Variants in CHD8 observed in about 807,000 individuals in gnomAD.
The protein encoded by CHD8 is ATP-dependent chromatin remodeler CHD8.
CHD8 carries 31 observed loss-of-function variants against 279.2 expected under a neutral mutation model. The ratio of observed to expected loss-of-function variants is 0.11; its 90% CI spans 0.08 to 0.15. CHD8 has a LOEUF of 0.15. Among genes scored for constraint, CHD8 ranks in the 10% least tolerant of loss-of-function variants. The pLI is 1.00. For synonymous variants in CHD8, 1,081 were observed against 1,139.6 expected (o/e 0.95, Z 1.04); for missense variants, 2,146 against 3,230.5 (o/e 0.66, Z 8.14).
In CHD8 at chr14:21,409,986, G is replaced by T; in HGVS notation, c.2229C>A (p.Pro743=). Residue 743 remains proline (P), a splice_region_variant and synonymous_variant, in exon 11 of 38, where the codon CCC becomes CCA. Coordinates refer to ENST00000646647, the MANE Select transcript of CHD8 (RefSeq NM_001170629.2). ...ACCATTTCACCAGGTAGTAAATAAC[G>T]GGCTAGGAGAGAAGAAACCAAAGCC... ...SHSIDKDNGE[P]VIYYLVKWCS... The T allele has an allele frequency of 6.2e-7, 1 of 1,606,818 alleles. No individual in the cohort carries two copies. Among genetic ancestry groups the T allele is most frequent in the East Asian group, 2.2e-5 (1 of 44,774 alleles).
Position 21,406,897 on chromosome 14 carries a change from G to A in CHD8, c.2866C>T (p.Arg956Cys), listed in dbSNP as rs1888275663. Residue 956 changes from arginine (R) to cysteine (C), a missense_variant, in exon 14 of 38, where the codon CGT becomes TGT. Arg to Cys is a radical substitution (Grantham distance 180). Coordinates refer to ENST00000646647, the MANE Select transcript of CHD8 (RefSeq NM_001170629.2). The part of the protein sequence containing the change: ...IIDEAHRLKN[R>C]NCKLLDSLKH... ...AGACTATCAAGCAGCTTGCAATTACGGTTTTTCAGTCGATGGGCTTCATCA... is the reference window on the plus strand; with the variant it reads ...AGACTATCAAGCAGCTTGCAATTACAGTTTTTCAGTCGATGGGCTTCATCA... 1.2e-6 allele frequency: 2 copies of A among 1,613,504 alleles called. No individual in the cohort carries two copies. The highest frequency in any genetic ancestry group is 1.3e-5 in the African/African-American group (1 of 74,894).
intron 7 of CHD8, 50 bp from the exon 8 acceptor site, chr14:21,415,043 T>A (rs559775544): frequency 7.7e-7 from 1 of 1,295,288 alleles, no homozygotes; most frequent in Non-Finnish European, 1.1e-6. Context: ...TGTAAAAGAA[T>A]GAACTTTTTA....
chr14:21,437,046 C>CA, intron 1 of CHD8: 1 of 613,848 alleles, frequency 1.6e-6, no homozygotes, highest in Non-Finnish European at 2.1e-6. Flanking sequence ...TGGGGATGGC[C>CA]AAGACGGGAA....
chr14:21,417,722 C>T (rs1233166589), intron 5 of CHD8, among the ~76,000 whole-genome samples: 6 of 151,342 alleles, frequency 4.0e-5, no homozygotes, highest in Admixed American at 6.6e-5. Flanking sequence ...GGTGTGGTGG[C>T]GGGCGCCTGT....
Position 21,385,825 on chromosome 14 carries a change from T to C in CHD8, c.7534A>G (p.Arg2512Gly). Reference sequence around the variant, plus strand: ...GGTGAAGAGGGGTAGCCAGGGGCTCTCAAGCCTGGATGGTGATGGTGGTGA... The same window carrying C: ...GGTGAAGAGGGGTAGCCAGGGGCTCCCAAGCCTGGATGGTGATGGTGGTGA... ...HHHHHHHPGL[R>G]APGYPSSPVT... The change falls in exon 38 of 38, where the codon AGA becomes GGA. Residue 2512 changes from arginine to glycine, a missense_variant. Arg to Gly is a moderately radical substitution (Grantham distance 125, BLOSUM62 -2). This residue lies in a region of CHD8 where 336 missense variants were observed against 392.9 expected (regional missense o/e 0.86). Transcript: ENST00000646647. 6.6e-7 allele frequency: 1 copy of C among 1,513,626 alleles called. No homozygotes were observed. The highest frequency in any genetic ancestry group is 2.6e-5 in the East Asian group (1 of 38,656). The allele number at this position is 1,513,626 out of a possible 1,614,324, so 93.8% of individuals were successfully genotyped here.
chr14:21,450,645 A>G (rs1291963003), intron 1 of CHD8, among the ~76,000 whole-genome samples: 1 of 152,066 alleles, frequency 6.6e-6, no homozygotes, highest in Non-Finnish European at 1.5e-5. Context: ...CAAACACAGT[A>G]AGATCCTGTC....
At position 21,411,707 on chromosome 14, in the gene CHD8, TAG is replaced by T. The variant is rs1409323662; in HGVS notation, c.2226+1204_2226+1205del. Among the ~76,000 whole-genome samples the T allele has an allele frequency of 2.6e-5, 4 of 152,082 alleles. No homozygotes were observed. The South Asian group carries it at 8.3e-4, about 32-fold the overall frequency. The stretch of plus-strand genomic sequence containing the variant: ...GATGGTTTATAGCCTAAAAAAAAAT[TAG>T]AAGTAAATTTAAAAGAAAGCTGAAT... On this transcript the variant is annotated intron_variant, in intron 10 of 37. Transcript: ENST00000646647.
chr14:21,421,961 C>T (rs549217428), intron 5 of CHD8, among the ~76,000 whole-genome samples: 1 of 152,328 alleles, frequency 6.6e-6, no homozygotes, highest in East Asian at 1.9e-4. Flanking sequence ...GAGAAGGTGG[C>T]CTTCTGCAAG....
chr14:21,403,412 G>A lies in CHD8; in HGVS notation c.3518+41C>T, dbSNP rs757995305. On this transcript the variant is annotated intron_variant, in intron 17 of 37. Coordinates refer to ENST00000646647, the MANE Select transcript of CHD8 (RefSeq NM_001170629.2). This position sits in a 1 kb window ranked among gnomAD's most constrained non-coding sequence, Gnocchi z 4.3. ...GCCCTCCTACTTTTTGCTGCTTTAT[G>A]AGGACAGAGTAACCACAGGCTAGGA... The A allele has an allele frequency of 6.0e-6, 9 of 1,510,744 alleles. No individual in the cohort carries two copies. The highest frequency in any genetic ancestry group is 2.3e-5 in the South Asian group (2 of 86,398). 93.6% of individuals were successfully genotyped at this position (1,510,744 alleles called of 1,614,324 possible).
chr14:21,426,967 T>C (rs1392960088), intron 4 of CHD8: 1 of 152,208 alleles, frequency 6.6e-6, no homozygotes. Context: ...AGAAATCTCT[T>C]TCACACTACA....
chr14:21,425,821 A>G (rs984267908), intron 5 of CHD8: 5 of 262,408 alleles, frequency 1.9e-5, no homozygotes, highest in Non-Finnish European at 3.6e-5. Context: ...CTATAATCCC[A>G]GTTACTCGGG....
In CHD8 at chr14:21,386,038, G is replaced by C. The variant is rs1887213330; in HGVS notation, c.7321C>G (p.Leu2441Val). Residue 2441 changes from leucine (L) to valine (V), a missense_variant, in exon 38 of 38, where the codon CTA becomes GTA. Transcript: ENST00000646647. ...TGTTGGAACGTGTTATGCAGAGATA[G>C]AGACCCAGTGCTTCCACCCTGCATG... is the stretch of plus-strand genomic sequence containing the variant. ...ALMQGGSTGS[L>V]SLHNTFQHSS... 5 of 1,596,328 alleles carry C rather than the reference G, an allele frequency of 3.1e-6. No homozygotes were observed. The highest frequency in any genetic ancestry group is 4.3e-6 in the Non-Finnish European group (5 of 1,171,294).
intron 1 of CHD8, among the ~76,000 whole-genome samples, chr14:21,442,175 T>C (rs1357293864): frequency 6.6e-6 from 1 of 152,130 alleles, no homozygotes; most frequent in African/African-American, 2.4e-5. Flanking sequence ...AGGGAGACTG[T>C]TTCTACAATT....
At chr14:21,389,467 T>C (rs8007893) in intron 37 of CHD8, among the ~76,000 whole-genome samples, 134,657 of 152,002 alleles carry the variant, frequency 0.89, 59,874 homozygotes, top group Middle Eastern at 0.94. Flanking sequence ...AAAAATTAGC[T>C]GGGTATGGTA....
Position 21,405,999 on chromosome 14 carries a change from T to TCA in CHD8, c.2908-136_2908-135insTG. 17 of 582,346 alleles carry TCA rather than the reference T, an allele frequency of 2.9e-5. No individual in the cohort carries two copies. Among genetic ancestry groups the TCA allele is most frequent in the South Asian group, 8.4e-5 (2 of 23,832 alleles). 36.1% of individuals were successfully genotyped at this position (582,346 alleles called of 1,614,324 possible). A position where few individuals can be genotyped will look rare whatever the true frequency, so the allele number is the denominator to read the frequency against. On this transcript the variant is annotated intron_variant, in intron 14 of 37. Transcript: ENST00000646647. The surrounding 1 kb of genome is among the most constrained non-coding windows in gnomAD (Gnocchi z 4.2). ...TAAAATGATGAGAATGGACCAGTGA[T>TCA]CTGGTCCATTAATTTTTCTTCCATT... is the stretch of plus-strand genomic sequence containing the variant.
In CHD8 at chr14:21,428,174, T is replaced by C. The variant is rs747526024; in HGVS notation, c.1296A>G (p.Ser432=). 11 of 1,613,978 alleles carry C rather than the reference T, an allele frequency of 6.8e-6. No individual in the cohort carries two copies. The South Asian group carries it at 1.2e-4, about 18-fold the overall frequency. ...LSASEVAALS[S]PASSAPHSGG... The stretch of plus-strand genomic sequence containing the variant: ...CCGAATGAGGAGCAGAGCTTGCTGG[T>C]GATGACAAAGCTGCCACTTCACTGG... Residue 432 remains serine (S), a synonymous_variant, in exon 4 of 38, where the codon TCA becomes TCG. Coordinates refer to ENST00000646647, the MANE Select transcript of CHD8 (RefSeq NM_001170629.2).
intron 5 of CHD8, chr14:21,419,550 ACT>A (rs1175016059): frequency 1.7e-4 from 27 of 156,180 alleles, no homozygotes; most frequent in Non-Finnish European, 7.1e-5. Context: ...AGACAGTGAG[ACT>A]CTGTCTCCAA....
chr14:21,420,414 C>T (rs1478476110), intron 5 of CHD8, among the ~76,000 whole-genome samples: 1 of 152,054 alleles, frequency 6.6e-6, no homozygotes, highest in Non-Finnish European at 1.5e-5. Context: ...CAAAGGCGGG[C>T]AGGACTAGAG....
At chr14:21,416,019 A>C (rs987988042) in intron 5 of CHD8, 112 bp from the exon 6 acceptor site, 1 of 829,172 alleles carries the variant, frequency 1.2e-6, no homozygotes, top group Admixed American at 2.3e-5. Flanking sequence ...TTTTCATGAA[A>C]AATCAGACCA....
Sources: gnomAD v4.1 joint callset for allele counts (sites outside exome capture counted in the v4.1 genomes callset) on GRCh38, gnomAD v4.1.1 for gene constraint, gnomAD v4.1.1 regional missense constraint, Gnocchi (gnomAD v3.1) non-coding constraint, MANE v1.5 for transcripts, NCBI Gene and HGNC (gene_info 2026-07-23, HGNC 2026-07-21) for gene names.